Variants in VGLL4 observed in about 807,000 individuals in gnomAD.
VGLL4 encodes the protein transcription cofactor vestigial-like protein 4.
A neutral mutation model predicts 21.0 loss-of-function variants in VGLL4; 7 were observed. The ratio of observed to expected loss-of-function variants is 0.33; its 90% confidence interval spans 0.19 to 0.63. The LOEUF (loss-of-function observed/expected upper bound fraction) is 0.63. Among genes scored for constraint, VGLL4 ranks in the 20% least tolerant of loss-of-function variants. VGLL4 has a pLI of 0.78. For synonymous variants in VGLL4, 222 were observed against 173.2 expected (o/e 1.28, Z -2.21); for missense variants, 394 against 425.7 (o/e 0.93, Z 0.66).
chr3:11,609,157 C>T (rs976884707), intron 1 of VGLL4, among the ~76,000 whole-genome samples: 15 of 152,236 alleles, frequency 9.9e-5, no homozygotes, highest in Middle Eastern at 3.4e-3. Context: ...CCTGAGCCAC[C>T]GAGCCTGGCC....
intron 2 of VGLL4, among the ~76,000 whole-genome samples, chr3:11,593,760 C>T (rs991151505): frequency 7.2e-5 from 11 of 152,190 alleles, no homozygotes; most frequent in Non-Finnish European, 1.5e-4. Flanking sequence ...AAGGAAGCGT[C>T]ATAGAAGCAA....
intron 4 of VGLL4, 113 bp from the exon 5 acceptor site, chr3:11,558,940 C>T (rs1025245157): frequency 7.3e-5 from 96 of 1,313,588 alleles, no homozygotes; most frequent in Non-Finnish European, 9.2e-5. Flanking sequence ...CCACGGTCAG[C>T]GTGGGCTCTG....
At chr3:11,713,324 G>A (rs551339434) in intron 1 of VGLL4, among the ~76,000 whole-genome samples, 94 of 151,964 alleles carry the variant, frequency 6.2e-4, no homozygotes, top group Non-Finnish European at 1.2e-3. Context: ...ATGACCAGAC[G>A]GATCATTTGC....
chr3:11,584,231 C>G (rs796114283), intron 2 of VGLL4, among the ~76,000 whole-genome samples: 6 of 152,186 alleles, frequency 3.9e-5, no homozygotes, highest in African/African-American at 1.4e-4. Context: ...GATGAATACT[C>G]TAATTTACAA....
intron 2 of VGLL4, among the ~76,000 whole-genome samples, chr3:11,594,178 T>C (rs1323558702): frequency 6.6e-6 from 1 of 152,218 alleles, no homozygotes; most frequent in Non-Finnish European, 1.5e-5. Context: ...CCTCTAAAGC[T>C]GCATGTAATT....
chr3:11,558,855 C>T (rs1269387799), intron 4 of VGLL4, 28 bp from the exon 5 acceptor site: 2 of 1,606,372 alleles, frequency 1.2e-6, no homozygotes, highest in African/African-American at 1.3e-5. Flanking sequence ...GGCAGGCAGT[C>T]AGACACAGGT....
At chr3:11,683,548 G>A (rs1050358896) in intron 2 of VGLL4, among the ~76,000 whole-genome samples, 3 of 152,094 alleles carry the variant, frequency 2.0e-5, no homozygotes, top group Admixed American at 2.0e-4. Context: ...CTCATCAATC[G>A]ATGAGTGGAT....
At chr3:11,561,140 C>T (rs914681689) in intron 3 of VGLL4, among the ~76,000 whole-genome samples, 3 of 152,148 alleles carry the variant, frequency 2.0e-5, no homozygotes, top group East Asian at 3.9e-4. Flanking sequence ...CCCCCAGGGT[C>T]CTCCCAATAA....
intron 2 of VGLL4, among the ~76,000 whole-genome samples, chr3:11,660,711 T>C (rs982513393): frequency 6.6e-6 from 1 of 152,198 alleles, no homozygotes; most frequent in Admixed American, 6.5e-5. Context: ...GTAAATGTTA[T>C]AGGTTTCAAA....
chr3:11,614,771 C>T (rs1477513871), intron 1 of VGLL4, among the ~76,000 whole-genome samples: 1 of 152,202 alleles, frequency 6.6e-6, no homozygotes, highest in East Asian at 1.9e-4. Context: ...GGGACTTGGG[C>T]ACGCACACCA....
At chr3:11,668,356 G>C (rs1011636172) in intron 2 of VGLL4, among the ~76,000 whole-genome samples, 4 of 152,128 alleles carry the variant, frequency 2.6e-5, no homozygotes, top group Non-Finnish European at 4.4e-5. Flanking sequence ...ACTATTGCTT[G>C]TGGAAATTTG....
intron 1 of VGLL4, among the ~76,000 whole-genome samples, chr3:11,637,941 TA>T (rs1453273456): frequency 6.6e-6 from 1 of 152,176 alleles, no homozygotes; most frequent in Non-Finnish European, 1.5e-5. Context: ...TGTGCAATAA[TA>T]AATACCACTA....
At chr3:11,615,022 C>G (rs1239215859) in intron 1 of VGLL4, among the ~76,000 whole-genome samples, 1 of 152,152 alleles carries the variant, frequency 6.6e-6, no homozygotes, top group Non-Finnish European at 1.5e-5. Flanking sequence ...CATGCATACA[C>G]GTTTTCTTGC....
At chr3:11,562,100 G>A (rs1219426928) in intron 3 of VGLL4, among the ~76,000 whole-genome samples, 1 of 152,128 alleles carries the variant, frequency 6.6e-6, no homozygotes, top group African/African-American at 2.4e-5. Context: ...GTTTCACCAT[G>A]TTGGCCAGGC....
At chr3:11,612,457 T>C (rs1395622457) in intron 1 of VGLL4, 1 of 152,212 alleles carries the variant, frequency 6.6e-6, no homozygotes, top group African/African-American at 2.4e-5. Flanking sequence ...GATCATCAGA[T>C]CTAGGTTTGA....
intron 1 of VGLL4, among the ~76,000 whole-genome samples, chr3:11,638,936 G>A (rs2075637209): frequency 6.6e-6 from 1 of 152,206 alleles, no homozygotes; most frequent in African/African-American, 2.4e-5. Context: ...TGCCCGTGAT[G>A]AAACAAGGGA....
At chr3:11,701,354 G>A (rs2076678170) in intron 2 of VGLL4, among the ~76,000 whole-genome samples, 1 of 118,948 alleles carries the variant, frequency 8.4e-6, no homozygotes, top group African/African-American at 2.7e-5. Context: ...CTCTCCAGAA[G>A]CCAAGCAGAC....
Position 11,559,421 on chromosome 3 carries a change from C to G in VGLL4, c.530G>C (p.Gly177Ala), listed in dbSNP as rs1187039913. 2 of 1,564,792 alleles carry G rather than the reference C, an allele frequency of 1.3e-6. No homozygotes were observed. Among genetic ancestry groups the G allele is most frequent in the Non-Finnish European group, 1.7e-6 (2 of 1,155,666 alleles). ...RPSVITCASA[G>A]ARNCNLSHCP... ...GTGCGAGAGGTTGCAGTTGCGGGCG[C>G]CAGCCGAGGCACAGGTGATCACGGA... is the stretch of plus-strand genomic sequence containing the variant. The change falls in exon 4 of 5, where the codon GGC becomes GCC. Residue 177 changes from glycine to alanine, a missense_variant. Gly to Ala is a moderately conservative substitution (Grantham distance 60). Coordinates refer to ENST00000430365, the MANE Select transcript of VGLL4 (RefSeq NM_001128219.3).
chr3:11,619,490 T>C (rs974927129), intron 1 of VGLL4, among the ~76,000 whole-genome samples: 1 of 152,230 alleles, frequency 6.6e-6, no homozygotes, highest in Non-Finnish European at 1.5e-5. Flanking sequence ...TTTTTCCTTA[T>C]GCCCTAGGGT....
Sources: gnomAD v4.1 joint callset for allele counts (sites outside exome capture counted in the v4.1 genomes callset) on GRCh38, gnomAD v4.1.1 for gene constraint, MANE v1.5 for transcripts, NCBI Gene and HGNC (gene_info 2026-07-23, HGNC 2026-07-21) for gene names.